Variants in CTNNA3 observed in about 807,000 individuals in gnomAD.
CTNNA3 encodes catenin alpha 3, also known as catenin alpha-3.
Under a neutral mutation model 95.7 loss-of-function variants are expected in CTNNA3, and 76 were observed. The observed-to-expected ratio is 0.79, with a 90% CI of 0.66 to 0.96. CTNNA3 has a LOEUF of 0.96. Ranked by LOEUF, CTNNA3 falls within the 40% of genes least tolerant of loss-of-function variation. The pLI is 0.00. For synonymous variants in CTNNA3, 431 were observed against 374.4 expected, an observed-to-expected ratio of 1.15 and a Z score of -1.74; for missense variants, 1,191 against 1,089.8, an observed-to-expected ratio of 1.09 and a Z score of -1.31.
intron 13 of CTNNA3, among the ~76,000 whole-genome samples, chr10:66,172,066 T>C (rs1407456626): frequency 1.3e-5 from 2 of 152,150 alleles, no homozygotes; most frequent in Non-Finnish European, 2.9e-5. Context: ...GATCTCTTCT[T>C]CACAGTACTT....
At chr10:66,443,571 A>G (rs903605833) in intron 11 of CTNNA3, among the ~76,000 whole-genome samples, 6 of 152,204 alleles carry the variant, frequency 3.9e-5, no homozygotes, top group African/African-American at 1.4e-4. Context: ...AAGGGTCTGG[A>G]GTGGACCTCT....
intron 13 of CTNNA3, among the ~76,000 whole-genome samples, chr10:66,189,083 T>C (rs528795064): frequency 4.2e-4 from 64 of 152,268 alleles, no homozygotes; most frequent in African/African-American, 1.1e-3. Context: ...TTCATTTTTA[T>C]TGCTATCAAG....
intron 12 of CTNNA3, among the ~76,000 whole-genome samples, chr10:66,337,783 C>G (rs940457846): frequency 3.3e-5 from 5 of 151,878 alleles, no homozygotes; most frequent in African/African-American, 4.8e-5. Context: ...AATGAAGAAA[C>G]CTTATACATC....
At chr10:66,445,509 A>T (rs1244874282) in intron 11 of CTNNA3, among the ~76,000 whole-genome samples, 1 of 152,212 alleles carries the variant, frequency 6.6e-6, no homozygotes, top group African/African-American at 2.4e-5. Context: ...AGAAGGCAGG[A>T]TTAAGAAACT....
At chr10:67,055,917 A>G (rs1700517495) in intron 7 of CTNNA3, among the ~76,000 whole-genome samples, 1 of 152,130 alleles carries the variant, frequency 6.6e-6, no homozygotes, top group Non-Finnish European at 1.5e-5. Context: ...ATTCTGGTCA[A>G]GGAGGAATAT....
intron 7 of CTNNA3, among the ~76,000 whole-genome samples, chr10:66,846,059 G>A (rs1291298670): frequency 6.6e-6 from 1 of 151,780 alleles, no homozygotes; most frequent in East Asian, 1.9e-4. Flanking sequence ...TTGAACCCGG[G>A]AGGCGGAGGT....
intron 5 of CTNNA3, among the ~76,000 whole-genome samples, chr10:67,231,186 G>A (rs1394462542): frequency 6.6e-6 from 1 of 152,336 alleles, no homozygotes; most frequent in South Asian, 2.1e-4. Flanking sequence ...GCTCAAGGAG[G>A]CCTGCCTGCC....
intron 7 of CTNNA3, among the ~76,000 whole-genome samples, chr10:66,997,161 T>C (rs1016577300): frequency 3.3e-5 from 5 of 152,144 alleles, no homozygotes; most frequent in African/African-American, 1.2e-4. Context: ...GTGTCAAGCA[T>C]TTGGCAAAAC....
intron 9 of CTNNA3, among the ~76,000 whole-genome samples, chr10:66,721,155 A>G (rs927469889): frequency 6.6e-6 from 1 of 152,138 alleles, no homozygotes; most frequent in Admixed American, 6.6e-5. Flanking sequence ...TACTGCAGGG[A>G]GAGGCTATGG....
At chr10:66,256,569 A>G (rs1291441936) in intron 13 of CTNNA3, among the ~76,000 whole-genome samples, 18 of 152,186 alleles carry the variant, frequency 1.2e-4, no homozygotes, top group Non-Finnish European at 8.8e-5. Context: ...AAAAATACAA[A>G]AATTAGCCGG....
chr10:66,132,406 T>C lies in CTNNA3; in HGVS notation c.1885-29157A>G, dbSNP rs532954257. 4.6e-5 allele frequency among the ~76,000 whole-genome samples: 7 copies of C among 152,230 alleles called. No individual in the cohort carries two copies. The East Asian group carries it at 7.7e-4, about 17-fold the overall frequency. ...TAATAAAAAGTCAAAAAATAACAGGTGCTGGCAAGGTAGTGGAGAAAAAGG... is the reference window on the plus strand; with the variant it reads ...TAATAAAAAGTCAAAAAATAACAGGCGCTGGCAAGGTAGTGGAGAAAAAGG... On this transcript the variant is annotated intron_variant, in intron 13 of 17. Coordinates refer to ENST00000433211, the MANE Select transcript of CTNNA3 (RefSeq NM_013266.4).
At chr10:67,722,461 A>G (rs1841184910) in intron 1 of CTNNA3, among the ~76,000 whole-genome samples, 1 of 152,212 alleles carries the variant, frequency 6.6e-6, no homozygotes, top group Admixed American at 6.5e-5. Context: ...TCAAATATAC[A>G]AACAATTCAC....
chr10:67,739,072 A>C (rs979083677), intron 1 of CTNNA3, among the ~76,000 whole-genome samples: 4 of 152,202 alleles, frequency 2.6e-5, no homozygotes, highest in Non-Finnish European at 5.9e-5. Flanking sequence ...GCAACATTCA[A>C]ATTCAGGAAA....
At chr10:67,326,955 T>C (rs1354245947) in intron 5 of CTNNA3, among the ~76,000 whole-genome samples, 1 of 152,212 alleles carries the variant, frequency 6.6e-6, no homozygotes, top group Non-Finnish European at 1.5e-5. Context: ...TGTCTGAATG[T>C]CTTATTTCAG....
chr10:66,288,189 A>G (rs528631464), intron 12 of CTNNA3, among the ~76,000 whole-genome samples: 20 of 152,256 alleles, frequency 1.3e-4, no homozygotes, highest in African/African-American at 3.8e-4. Context: ...TAATTTGCCT[A>G]TCTTCACACA....
chr10:65,928,430 G>C lies in CTNNA3; in HGVS notation c.2401-7813C>G, dbSNP rs1331254632. The stretch of plus-strand genomic sequence containing the variant: ...GACTAGATTGGATCCTCTTTTTTAT[G>C]TTCTTATAGAAATCTATACTTCATT... On this transcript the variant is annotated intron_variant, in intron 17 of 17. Coordinates refer to ENST00000433211, the MANE Select transcript of CTNNA3 (RefSeq NM_013266.4). Among the ~76,000 whole-genome samples the C allele has an allele frequency of 2.0e-5, 3 of 152,146 alleles. No homozygotes were observed. In the East Asian group the frequency reaches 5.8e-4, roughly 29 times the overall value.
chr10:67,037,223 G>C lies in CTNNA3; in HGVS notation c.1047+143094C>G, dbSNP rs1459563352. Among the ~76,000 whole-genome samples, 7 of 152,112 alleles carry C rather than the reference G, an allele frequency of 4.6e-5. No homozygotes were observed. The East Asian group carries it at 1.3e-3, about 29-fold the overall frequency. ...TAAATGATGTTTACTTGTAAGTAAT[G>C]TGTCAGTAAGCATCAGCAAAAAATG... On this transcript the variant is annotated intron_variant, in intron 7 of 17. Coordinates refer to ENST00000433211, the MANE Select transcript of CTNNA3 (RefSeq NM_013266.4).
At chr10:65,988,128 A>C (rs1174196376) in intron 16 of CTNNA3, among the ~76,000 whole-genome samples, 1 of 152,108 alleles carries the variant, frequency 6.6e-6, no homozygotes, top group African/African-American at 2.4e-5. Flanking sequence ...ACATAGGCTG[A>C]CTATAGTTAA....
At chr10:66,884,491 C>T (rs1844968108) in intron 7 of CTNNA3, among the ~76,000 whole-genome samples, 3 of 152,040 alleles carry the variant, frequency 2.0e-5, no homozygotes, top group African/African-American at 2.4e-5. Context: ...CATGGGGAGA[C>T]CCATGTGACA....
Sources: gnomAD v4.1 joint callset for allele counts (sites outside exome capture counted in the v4.1 genomes callset) on GRCh38, gnomAD v4.1.1 for gene constraint, MANE v1.5 for transcripts, NCBI Gene and HGNC (gene_info 2026-07-23, HGNC 2026-07-21) for gene names.